The following PCDH7 variants were observed in gnomAD, a reference collection of about 807,000 sequenced individuals.
The protein encoded by PCDH7 is protocadherin 7.
A neutral mutation model predicts 58.9 loss-of-function variants in PCDH7; 17 were observed. The ratio of observed to expected loss-of-function variants is 0.29; its 90% CI spans 0.20 to 0.43. PCDH7 has a LOEUF of 0.43. Ranked by LOEUF, PCDH7 falls within the 20% of genes least tolerant of loss-of-function variation. PCDH7 has a pLI of 1.00. For synonymous variants in PCDH7, 664 were observed against 616.4 expected, an observed-to-expected ratio of 1.08 and a Z score of -1.14; for missense variants, 1,274 against 1,441.0, an observed-to-expected ratio of 0.88 and a Z score of 1.88.
intron 1 of PCDH7, among the ~76,000 whole-genome samples, chr4:30,753,239 T>C (rs970263248): frequency 2.0e-4 from 31 of 152,310 alleles, no homozygotes; most frequent in African/African-American, 7.2e-4. Context: ...TTCTGGTACA[T>C]ATCTCATTTC....
intron 1 of PCDH7, among the ~76,000 whole-genome samples, chr4:30,858,809 T>G (rs1435211651): frequency 6.6e-6 from 1 of 152,186 alleles, no homozygotes; most frequent in Non-Finnish European, 1.5e-5. Context: ...GAAGTCTTTT[T>G]TTTTTAAACT....
chr4:30,791,933 A>G (rs1226853661), intron 1 of PCDH7, among the ~76,000 whole-genome samples: 1 of 152,236 alleles, frequency 6.6e-6, no homozygotes, highest in Non-Finnish European at 1.5e-5. Context: ...ATATTATCAT[A>G]AAAAGATAAC....
At chr4:30,859,259 A>G (rs1733882371) in intron 1 of PCDH7, among the ~76,000 whole-genome samples, 1 of 152,176 alleles carries the variant, frequency 6.6e-6, no homozygotes, top group South Asian at 2.1e-4. Context: ...ATAACCACAC[A>G]GCATTTTAAA....
intron 3 of PCDH7, among the ~76,000 whole-genome samples, chr4:31,042,332 A>AT (rs1755938702): frequency 6.6e-6 from 1 of 152,146 alleles, no homozygotes; most frequent in Middle Eastern, 3.4e-3. Context: ...ACAACCATAT[A>AT]TTTTTTCCCA....
intron 3 of PCDH7, among the ~76,000 whole-genome samples, chr4:31,050,169 G>C (rs1481873236): frequency 6.6e-6 from 1 of 152,084 alleles, no homozygotes; most frequent in Non-Finnish European, 1.5e-5. Context: ...TCAGCAAGAA[G>C]CAGACAGAGA....
intron 3 of PCDH7, among the ~76,000 whole-genome samples, chr4:31,039,920 G>T (rs1330256470): frequency 6.6e-6 from 1 of 152,096 alleles, no homozygotes; most frequent in Non-Finnish European, 1.5e-5. Flanking sequence ...AACTAAGATT[G>T]TTCTCCCCTC....
In PCDH7 at chr4:30,796,044, G is replaced by A. The variant is rs573932360; in HGVS notation, c.70+71448G>A. 2.0e-5 allele frequency among the ~76,000 whole-genome samples: 3 copies of A among 152,138 alleles called. 1 individual carries two copies. The South Asian group carries it at 6.2e-4, about 32-fold the overall frequency. On this transcript the variant is annotated intron_variant, in intron 1 of 3. Transcript: ENST00000509759. ...CCATTTTCATTTTTTTGAATATTTG[G>A]AATTATATTGATAAAAGGTGTCAGG...
At chr4:30,806,213 G>C (rs1392310350) in intron 1 of PCDH7, among the ~76,000 whole-genome samples, 4 of 152,084 alleles carry the variant, frequency 2.6e-5, no homozygotes, top group African/African-American at 9.7e-5. Context: ...TGTCCTTATT[G>C]AGTACTAGCC....
chr4:30,945,457 C>A (rs996302728), intron 2 of PCDH7, among the ~76,000 whole-genome samples: 1 of 151,966 alleles, frequency 6.6e-6, no homozygotes. Flanking sequence ...TCTTTTAAAT[C>A]TCAGGAATAC....
At chr4:31,063,762 A>G (rs1254270113) in intron 3 of PCDH7, among the ~76,000 whole-genome samples, 3 of 151,946 alleles carry the variant, frequency 2.0e-5, no homozygotes, top group African/African-American at 7.2e-5. Flanking sequence ...GGTCTCTAAG[A>G]TTGAATGAAC....
At chr4:31,130,873 A>G (rs1000339739) in intron 3 of PCDH7, among the ~76,000 whole-genome samples, 1 of 152,190 alleles carries the variant, frequency 6.6e-6, no homozygotes, top group Non-Finnish European at 1.5e-5. Context: ...CAGGTCATCC[A>G]GTATAATCTC....
At chr4:30,954,411 A>C (rs1440857965) in intron 3 of PCDH7, among the ~76,000 whole-genome samples, 2 of 152,014 alleles carry the variant, frequency 1.3e-5, no homozygotes, top group African/African-American at 4.8e-5. Flanking sequence ...TGCTGACATA[A>C]ATTTTTTCTC....
chr4:30,817,512 A>C (rs1727842217), intron 1 of PCDH7, among the ~76,000 whole-genome samples: 1 of 152,234 alleles, frequency 6.6e-6, no homozygotes, highest in African/African-American at 2.4e-5. Flanking sequence ...ATAAATAAGT[A>C]GGTGTGAAAT....
intron 3 of PCDH7, among the ~76,000 whole-genome samples, chr4:31,089,570 AAG>A (rs1203255043): frequency 6.6e-6 from 1 of 152,068 alleles, no homozygotes; most frequent in African/African-American, 2.4e-5. Flanking sequence ...AAATATCAAA[AAG>A]AGTTTAAATC....
intron 3 of PCDH7, among the ~76,000 whole-genome samples, chr4:30,957,587 G>T (rs1747987830): frequency 6.6e-6 from 1 of 152,100 alleles, no homozygotes. Flanking sequence ...ATTGGGTGGG[G>T]TGATTGTTTT....
intron 1 of PCDH7, among the ~76,000 whole-genome samples, chr4:30,744,683 C>T (rs1717540831): frequency 6.6e-6 from 1 of 152,208 alleles, no homozygotes; most frequent in Admixed American, 6.5e-5. Context: ...GCTTTGATTT[C>T]CTTCTCCTTT....
At chr4:31,140,329 G>C (rs756727101) in intron 3 of PCDH7, among the ~76,000 whole-genome samples, 1 of 152,094 alleles carries the variant, frequency 6.6e-6, no homozygotes, top group Non-Finnish European at 1.5e-5. Flanking sequence ...GACATATTGT[G>C]TGAGACATAA....
chr4:31,000,502 T>C (rs572082817), intron 3 of PCDH7, among the ~76,000 whole-genome samples: 3 of 152,232 alleles, frequency 2.0e-5, no homozygotes, highest in East Asian at 1.9e-4. Flanking sequence ...GGAAAATTAT[T>C]TTCTATGTCC....
At chr4:30,809,057 G>C (rs1726633087) in intron 1 of PCDH7, among the ~76,000 whole-genome samples, 1 of 152,116 alleles carries the variant, frequency 6.6e-6, no homozygotes, top group Non-Finnish European at 1.5e-5. Flanking sequence ...CTCTTGAAAA[G>C]ATACAAATGT....
Sources: allele counts gnomAD v4.1 joint callset (sites outside exome capture counted in the v4.1 genomes callset), GRCh38; gene constraint gnomAD v4.1.1; transcripts MANE v1.5; gene names NCBI Gene and HGNC (gene_info 2026-07-23, HGNC 2026-07-21).